SYT1: variants seen among roughly 807,000 people sequenced by gnomAD.
SYT1 encodes synaptotagmin-1.
A neutral mutation model predicts 44.8 loss-of-function variants in SYT1; 8 were observed. That is an observed-to-expected ratio of 0.18 (90% CI 0.10 to 0.32). SYT1 has a LOEUF of 0.32. Among genes scored for constraint, SYT1 ranks in the 10% least tolerant of loss-of-function variants. The pLI, the probability that SYT1 is intolerant of heterozygous loss-of-function variation, is 1.00. For synonymous variants in SYT1, 154 were observed against 188.8 expected (o/e 0.82, Z 1.51); for missense variants, 286 against 509.3 (o/e 0.56, Z 4.22).
intron 5 of SYT1, among the ~76,000 whole-genome samples, chr12:79,290,923 G>A (rs1178013090): frequency 6.6e-6 from 1 of 152,044 alleles, no homozygotes; most frequent in Non-Finnish European, 1.5e-5. Flanking sequence ...TCAGGAAAAT[G>A]TAATTTTGTA....
At chr12:79,250,402 A>G (rs1877129506) in intron 4 of SYT1, among the ~76,000 whole-genome samples, 1 of 152,188 alleles carries the variant, frequency 6.6e-6, no homozygotes, top group Non-Finnish European at 1.5e-5. Context: ...TTCCTGGAAC[A>G]CTCACGTTGA....
At chr12:79,072,532 T>C (rs558897121) in intron 3 of SYT1, among the ~76,000 whole-genome samples, 3 of 152,164 alleles carry the variant, frequency 2.0e-5, no homozygotes, top group South Asian at 4.1e-4. Flanking sequence ...AATATTTGAG[T>C]TTTTTATAGT....
chr12:78,955,147 G>C (rs1309604469), intron 1 of SYT1, among the ~76,000 whole-genome samples: 1 of 152,106 alleles, frequency 6.6e-6, no homozygotes, highest in Non-Finnish European at 1.5e-5. Context: ...ATTTTGAAAT[G>C]ACGGTTAAAC....
rs958514895 is a variant in SYT1 at position 79,450,703 on chromosome 12, GCA to G, written c.*1582_*1583del. 1.3e-5 allele frequency: 2 copies of G among 152,596 alleles called. No individual in the cohort carries two copies. Among genetic ancestry groups the G allele is most frequent in the African/African-American group, 4.8e-5 (2 of 41,416 alleles). 9.5% of individuals were successfully genotyped at this position (152,596 alleles called of 1,614,324 possible). On this transcript the variant is annotated 3_prime_UTR_variant, in exon 11 of 11. Coordinates refer to ENST00000261205, the MANE Select transcript of SYT1 (RefSeq NM_005639.3). Reference sequence around the variant, plus strand: ...TACTGCACTGCCCAAGGTGTGTGTAGCACAAACAGTTCTCATTACAAAGGACC... The same window carrying G: ...TACTGCACTGCCCAAGGTGTGTGTAGCAAACAGTTCTCATTACAAAGGACC...
At chr12:78,991,347 C>T (rs1869996641) in intron 2 of SYT1, among the ~76,000 whole-genome samples, 1 of 151,926 alleles carries the variant, frequency 6.6e-6, no homozygotes, top group South Asian at 2.1e-4. Flanking sequence ...TAACTCAAAT[C>T]TTTATATTTT....
chr12:79,384,739 T>C (rs79189541), intron 9 of SYT1, among the ~76,000 whole-genome samples: 1 of 152,236 alleles, frequency 6.6e-6, no homozygotes, highest in East Asian at 1.9e-4. Context: ...AATAGAAGCA[T>C]AGCAGAAAAC....
intron 3 of SYT1, among the ~76,000 whole-genome samples, chr12:79,110,505 C>T (rs1229251098): frequency 1.3e-5 from 2 of 151,988 alleles, no homozygotes; most frequent in Non-Finnish European, 2.9e-5. Flanking sequence ...ATCTAGAAAA[C>T]ATTTTACATT....
chr12:78,884,707 G>A (rs1874638921), intron 1 of SYT1, among the ~76,000 whole-genome samples: 1 of 151,258 alleles, frequency 6.6e-6, no homozygotes, highest in African/African-American at 2.4e-5. Flanking sequence ...GTTTGGGGCT[G>A]CAATTGTTGA....
At chr12:78,961,648 A>C (rs1879510788) in intron 1 of SYT1, among the ~76,000 whole-genome samples, 1 of 152,126 alleles carries the variant, frequency 6.6e-6, no homozygotes, top group Admixed American at 6.5e-5. Context: ...TATAGAATAC[A>C]TTGCTTAACA....
At chr12:79,074,685 AC>A (rs1207178110) in intron 3 of SYT1, among the ~76,000 whole-genome samples, 1 of 151,960 alleles carries the variant, frequency 6.6e-6, no homozygotes, top group Non-Finnish European at 1.5e-5. Flanking sequence ...TTTCCCCTCG[AC>A]CTGTACCCTG....
At position 79,184,842 on chromosome 12, in the gene SYT1, G is replaced by A. The variant is rs1234215136; in HGVS notation, c.-17-32661G>A. 3.9e-5 allele frequency among the ~76,000 whole-genome samples: 6 copies of A among 151,948 alleles called. No individual in the cohort carries two copies. The East Asian group carries it at 5.8e-4, about 15-fold the overall frequency. On this transcript the variant is annotated intron_variant, in intron 3 of 10. Transcript: ENST00000261205. ...TGACATCATCTTTATTAACATGCAC[G>A]CTCTGAGTATTTTAGATTCACTGGG...
intron 4 of SYT1, among the ~76,000 whole-genome samples, chr12:79,252,650 G>T (rs916777290): frequency 6.6e-6 from 1 of 152,070 alleles, no homozygotes; most frequent in African/African-American, 2.4e-5. Context: ...CATCAACCCA[G>T]GTCTCTAAGT....
intron 1 of SYT1, among the ~76,000 whole-genome samples, chr12:78,976,160 C>T (rs1018682471): frequency 2.6e-5 from 4 of 152,114 alleles, no homozygotes; most frequent in Non-Finnish European, 5.9e-5. Context: ...TATTTTATTT[C>T]CATATATGTC....
At chr12:79,052,252 T>C (rs995948139) in intron 3 of SYT1, among the ~76,000 whole-genome samples, 2 of 151,956 alleles carry the variant, frequency 1.3e-5, no homozygotes, top group African/African-American at 4.8e-5. Context: ...ACATCCCTTG[T>C]AAGTTGGATT....
intron 3 of SYT1, among the ~76,000 whole-genome samples, chr12:79,118,455 A>G (rs1342157949): frequency 2.0e-5 from 3 of 152,110 alleles, no homozygotes; most frequent in Non-Finnish European, 4.4e-5. Flanking sequence ...TCTATATACA[A>G]TTTTCTTGTG....
chr12:79,140,779 C>T (rs534607579), intron 3 of SYT1, among the ~76,000 whole-genome samples: 1 of 152,320 alleles, frequency 6.6e-6, no homozygotes, highest in East Asian at 1.9e-4. Context: ...GATTCCTTCA[C>T]AATTTGAAGT....
intron 1 of SYT1, among the ~76,000 whole-genome samples, chr12:78,919,178 G>GT (rs1876840266): frequency 6.6e-6 from 1 of 151,898 alleles, no homozygotes; most frequent in African/African-American, 2.4e-5. Flanking sequence ...ATGAAAGTCT[G>GT]TGTAATTAAA....
intron 9 of SYT1, among the ~76,000 whole-genome samples, chr12:79,386,099 C>T (rs1361815071): frequency 6.6e-6 from 1 of 152,152 alleles, no homozygotes; most frequent in Non-Finnish European, 1.5e-5. Flanking sequence ...CCTTGAATTA[C>T]CCCTTAAAGG....
At chr12:79,069,866 G>C (rs1162206908) in intron 3 of SYT1, among the ~76,000 whole-genome samples, 4 of 151,946 alleles carry the variant, frequency 2.6e-5, no homozygotes, top group African/African-American at 9.7e-5. Flanking sequence ...GCTGTTTTGA[G>C]ATGCAAAATG....
Sources: allele counts gnomAD v4.1 joint callset (sites outside exome capture counted in the v4.1 genomes callset), GRCh38; gene constraint gnomAD v4.1.1; transcripts MANE v1.5; gene names NCBI Gene and HGNC (gene_info 2026-07-23, HGNC 2026-07-21).